The following DNAH17 variants were observed in gnomAD, a reference collection of about 807,000 sequenced individuals.
DNAH17 encodes axonemal beta dynein heavy chain 17.
In DNAH17, 376 loss-of-function variants were observed where a neutral mutation model predicts 485.6. That is an observed-to-expected ratio of 0.77 (90% CI 0.71 to 0.84). DNAH17 has a LOEUF of 0.84. Among genes scored for constraint, DNAH17 ranks in the 40% least tolerant of loss-of-function variants. DNAH17 has a pLI of 0.00. For missense variants in DNAH17, 6,370 were observed against 5,839.3 expected (o/e 1.09, Z -2.96); for synonymous variants, 3,031 against 2,405.9 (o/e 1.26, Z -7.60).
In DNAH17 at chr17:78,479,012, A is replaced by G. The variant is rs1047777319; in HGVS notation, c.7992+13T>C. 2 of 1,611,746 alleles carry G rather than the reference A, an allele frequency of 1.2e-6. No homozygotes were observed. Among genetic ancestry groups the G allele is most frequent in the African/African-American group, 2.7e-5 (2 of 75,028 alleles). On this transcript the variant is annotated intron_variant, in intron 51 of 80. Transcript: ENST00000389840. ...CGTAAGGCAGGCATGACATAAAGCT[A>G]CAAGAGCAGTACCTGGAAAATATTG...
chr17:78,428,284 C>T (rs1013332199), intron 77 of DNAH17: 1 of 566,182 alleles, frequency 1.8e-6, no homozygotes, highest in Non-Finnish European at 3.2e-6. Flanking sequence ...GCATCCACAC[C>T]CCCAAGGATC....
At chr17:78,454,781 T>G in intron 63 of DNAH17, 76 bp from the exon 64 acceptor site, 1 of 1,302,990 alleles carries the variant, frequency 7.7e-7, no homozygotes, top group Non-Finnish European at 1.1e-6. Context: ...CTCCAAATAA[T>G]GCTCTGTCTG....
Position 78,450,261 on chromosome 17 carries a change from G to C in DNAH17, c.11033C>G (p.Ser3678Cys). 6.2e-7 allele frequency: 1 copy of C among 1,613,896 alleles called. No homozygotes were observed. Among genetic ancestry groups the C allele is most frequent in the Non-Finnish European group, 8.5e-7 (1 of 1,179,866 alleles). Reference protein sequence around the residue: ...LNKINPVYQFSLKAFNVVFEK... With the variant: ...LNKINPVYQFCLKAFNVVFEK... ...CCCAGCTGCAGGGCGCACCTTGAGG[G>C]AGAACTGGTAGACGGGGTTGATTTT... The change falls in exon 68 of 81, where the codon TCC (serine) becomes TGC (cysteine). Residue 3678 changes from serine to cysteine, a missense_variant. Ser to Cys is a moderately radical substitution (Grantham distance 112). Coordinates refer to ENST00000389840, the MANE Select transcript of DNAH17 (RefSeq NM_173628.4).
chr17:78,448,336 T>C (rs2087401186), intron 69 of DNAH17, among the ~76,000 whole-genome samples: 1 of 151,796 alleles, frequency 6.6e-6, no homozygotes, highest in Non-Finnish European at 1.5e-5. Context: ...TTGTCTCTAC[T>C]AAAAAATAAA....
chr17:78,501,413 G>A lies in DNAH17; in HGVS notation c.5323-69C>T, dbSNP rs139622800. 9.9e-4 allele frequency: 1,498 copies of A among 1,517,926 alleles called. 10 individuals are homozygous for A. The African/African-American group carries it at 0.018, about 18-fold the overall frequency. 94.0% of individuals were successfully genotyped at this position (1,517,926 alleles called of 1,614,324 possible). On this transcript the variant is annotated intron_variant, in intron 34 of 80. Coordinates refer to ENST00000389840, the MANE Select transcript of DNAH17 (RefSeq NM_173628.4). ...AGCTAGGGCTGCCTAAGGAAGGCCAGCATGCCTCCAAGGCCGGTCCCCTGC... is the reference window on the plus strand; with the variant it reads ...AGCTAGGGCTGCCTAAGGAAGGCCAACATGCCTCCAAGGCCGGTCCCCTGC...
At chr17:78,514,405 T>C (rs557546959) in intron 26 of DNAH17, among the ~76,000 whole-genome samples, 44 of 142,562 alleles carry the variant, frequency 3.1e-4, no homozygotes, top group African/African-American at 1.2e-3. Flanking sequence ...CTTGGGAGGC[T>C]AAGGCAGAAG....
At chr17:78,486,181 TGA>T (rs1399750190) in intron 45 of DNAH17, 41 bp downstream of exon 45, 5 of 1,595,172 alleles carry the variant, frequency 3.1e-6, no homozygotes, top group African/African-American at 2.7e-5. Context: ...AGCAGGATGC[TGA>T]GAGACCCTGT....
chr17:78,477,920 A>G (rs2089113051), intron 51 of DNAH17, among the ~76,000 whole-genome samples: 1 of 149,230 alleles, frequency 6.7e-6, no homozygotes, highest in African/African-American at 2.6e-5. Context: ...CCACATCACC[A>G]TCACCACCAT....
chr17:78,439,265 C>G lies in DNAH17; in HGVS notation c.11678-48G>C, dbSNP rs771612192. 2.1e-5 allele frequency: 32 copies of G among 1,557,698 alleles called. No individual in the cohort carries two copies. In the African/African-American group the frequency reaches 3.8e-4, roughly 19 times the overall value. On this transcript the variant is annotated intron_variant, in intron 72 of 80. Transcript: ENST00000389840. ...AAAAACACCACGTAATTAAATGACA[C>G]AGGTTCAGGCTCTGTGATCTACAGC...
chr17:78,452,120 G>C (rs377158785), intron 65 of DNAH17, among the ~76,000 whole-genome samples: 4 of 151,716 alleles, frequency 2.6e-5, no homozygotes, highest in East Asian at 1.9e-4. Context: ...GGCTCACTTT[G>C]AGGGGCCTCT....
intron 25 of DNAH17, among the ~76,000 whole-genome samples, chr17:78,515,231 G>A (rs559809027): frequency 1.4e-4 from 22 of 152,200 alleles, no homozygotes; most frequent in Admixed American, 7.2e-4. Flanking sequence ...ACAGTTGGCC[G>A]GGCACGGTGG....
At chr17:78,469,974 G>C (rs1199867206) in intron 54 of DNAH17, among the ~76,000 whole-genome samples, 2 of 151,990 alleles carry the variant, frequency 1.3e-5, no homozygotes, top group African/African-American at 4.8e-5. Flanking sequence ...AAGATGAAAG[G>C]GTCCTGGAGA....
Position 78,462,266 on chromosome 17 carries a change from G to A in DNAH17, c.9175-558C>T, listed in dbSNP as rs201310656. On this transcript the variant is annotated intron_variant, in intron 57 of 80. Coordinates refer to ENST00000389840, the MANE Select transcript of DNAH17 (RefSeq NM_173628.4). ...GCGAGAGTTTGGTAGGGGGGTGGGG[G>A]GGTGGGGGCAGGGGTGCGAAAGCTC... Among the ~76,000 whole-genome samples, 129 of 130,164 alleles carry A rather than the reference G, an allele frequency of 9.9e-4. 1 individual carries two copies. The East Asian group carries it at 0.034, about 34-fold the overall frequency. 85.4% of individuals were successfully genotyped at this position (130,164 alleles called of 152,430 possible).
At chr17:78,472,420 C>G (rs989573503) in intron 54 of DNAH17, among the ~76,000 whole-genome samples, 5 of 152,084 alleles carry the variant, frequency 3.3e-5, no homozygotes, top group African/African-American at 1.2e-4. Flanking sequence ...GGCCAAGCCC[C>G]CACCCCACCC....
intron 71 of DNAH17, 24 bp downstream of exon 71, chr17:78,444,580 C>T (rs962868251): frequency 1.3e-6 from 2 of 1,525,516 alleles, no homozygotes; most frequent in African/African-American, 1.4e-5. Flanking sequence ...GGGGGCGGGG[C>T]CCCCGGCGCG....
chr17:78,437,913 T>C, intron 73 of DNAH17, 45 bp from the exon 74 acceptor site: 1 of 1,481,750 alleles, frequency 6.7e-7, no homozygotes, highest in Non-Finnish European at 9.3e-7. Flanking sequence ...GCCCAGCTCC[T>C]GGCCCACGAG....
chr17:78,493,973 C>A (rs1464484594), intron 41 of DNAH17, 63 bp downstream of exon 41: 18 of 1,552,758 alleles, frequency 1.2e-5, no homozygotes, highest in Middle Eastern at 2.1e-4. Flanking sequence ...AGGGCCGACC[C>A]TTCGCCCCAG....
chr17:78,572,021 G>A (rs758536665), intron 3 of DNAH17, among the ~76,000 whole-genome samples: 24 of 152,158 alleles, frequency 1.6e-4, no homozygotes, highest in Non-Finnish European at 2.5e-4. Flanking sequence ...GCCTGGAGGC[G>A]CTCACCTCCA....
intron 51 of DNAH17, among the ~76,000 whole-genome samples, chr17:78,477,256 A>G (rs1426580264): frequency 6.6e-6 from 1 of 152,234 alleles, no homozygotes; most frequent in East Asian, 1.9e-4. Context: ...ACACAAAGAA[A>G]TAAGGTAATT....
Sources: allele counts gnomAD v4.1 joint callset (sites outside exome capture counted in the v4.1 genomes callset), GRCh38; gene constraint gnomAD v4.1.1; transcripts MANE v1.5; gene names NCBI Gene and HGNC (gene_info 2026-07-23, HGNC 2026-07-21).